Variants in SSBP3 observed in about 807,000 individuals in gnomAD.
SSBP3 encodes single-stranded DNA-binding protein 3.
SSBP3 carries 5 observed loss-of-function variants against 69.6 expected under a neutral mutation model. The ratio of observed to expected loss-of-function variants is 0.07; its 90% CI spans 0.04 to 0.15. SSBP3 has a LOEUF of 0.15. Ranked by LOEUF, SSBP3 falls within the 10% of genes least tolerant of loss-of-function variation. SSBP3 has a pLI of 1.00. For missense variants in SSBP3, 312 were observed against 534.0 expected (o/e 0.58, Z 4.10); for synonymous variants, 196 against 193.4 (o/e 1.01, Z -0.11).
intron 5 of SSBP3, among the ~76,000 whole-genome samples, chr1:54,277,421 C>G (rs939603392): frequency 6.6e-6 from 1 of 152,176 alleles, no homozygotes; most frequent in African/African-American, 2.4e-5. Flanking sequence ...CCTGCTTCCG[C>G]CATCCAATCA....
intron 4 of SSBP3, among the ~76,000 whole-genome samples, chr1:54,397,362 A>G (rs1037110735): frequency 3.9e-5 from 6 of 152,314 alleles, no homozygotes; most frequent in South Asian, 2.1e-4. Context: ...GCCCTCTCAA[A>G]TATCACTTTG....
intron 4 of SSBP3, among the ~76,000 whole-genome samples, chr1:54,317,696 T>G (rs1422277044): frequency 1.3e-5 from 2 of 152,200 alleles, no homozygotes; most frequent in Admixed American, 1.3e-4. Context: ...CAAAGTTGTC[T>G]ACAAGAGATG....
intron 4 of SSBP3, among the ~76,000 whole-genome samples, chr1:54,374,499 C>A (rs955016577): frequency 2.0e-5 from 3 of 152,228 alleles, no homozygotes; most frequent in African/African-American, 7.2e-5. Flanking sequence ...GGAGAACTGA[C>A]ACCAAACACC....
At chr1:54,289,037 C>CA (rs994712448) in intron 4 of SSBP3, among the ~76,000 whole-genome samples, 17 of 62,086 alleles carry the variant, frequency 2.7e-4, no homozygotes, top group African/African-American at 4.6e-4. Context: ...AAAAAAAAAA[C>CA]AAAAAAACAA....
chr1:54,392,722 A>G lies in SSBP3; in HGVS notation c.276+9139T>C, dbSNP rs770008875. Reference sequence around the variant, plus strand: ...GCTCAGAGCCTTGCTCACAGACCCCAGAATGCATTCAAGACCTGCAATAGG... The same window carrying G: ...GCTCAGAGCCTTGCTCACAGACCCCGGAATGCATTCAAGACCTGCAATAGG... On this transcript the variant is annotated intron_variant, in intron 4 of 17. Transcript: ENST00000610401. Among the ~76,000 whole-genome samples, 11 of 152,234 alleles carry G rather than the reference A, an allele frequency of 7.2e-5. 1 individual carries two copies. Among genetic ancestry groups the G allele is most frequent in the Non-Finnish European group, 1.5e-4 (10 of 68,050 alleles).
chr1:54,293,817 T>C (rs985854070), intron 4 of SSBP3, among the ~76,000 whole-genome samples: 2 of 152,212 alleles, frequency 1.3e-5, no homozygotes, highest in Non-Finnish European at 2.9e-5. Flanking sequence ...GTAAATATTT[T>C]TTGGATAAAT....
intron 4 of SSBP3, among the ~76,000 whole-genome samples, chr1:54,338,714 T>C (rs772634020): frequency 3.9e-5 from 6 of 152,218 alleles, no homozygotes; most frequent in Admixed American, 6.5e-5. Context: ...ATTCTGAATA[T>C]GACGTGAACA....
chr1:54,325,602 C>T (rs1313978931), intron 4 of SSBP3, among the ~76,000 whole-genome samples: 1 of 152,210 alleles, frequency 6.6e-6, no homozygotes, highest in Non-Finnish European at 1.5e-5. Context: ...CAGATTACGA[C>T]ACCATCATTC....
chr1:54,402,035 T>A, intron 3 of SSBP3, 90 bp from the exon 4 acceptor site: 1 of 1,136,890 alleles, frequency 8.8e-7, no homozygotes, highest in Non-Finnish European at 1.3e-6. Flanking sequence ...CTAACAGTAC[T>A]AGGTCTCCCA....
chr1:54,232,797 C>T (rs908568623), intron 14 of SSBP3, among the ~76,000 whole-genome samples: 2 of 151,980 alleles, frequency 1.3e-5, no homozygotes, highest in African/African-American at 2.4e-5. Context: ...TTGGCCGGGC[C>T]GTCTCCAGCC....
At chr1:54,296,491 T>G (rs72665917) in intron 4 of SSBP3, among the ~76,000 whole-genome samples, 1 of 152,210 alleles carries the variant, frequency 6.6e-6, no homozygotes, top group African/African-American at 2.4e-5. Flanking sequence ...TTCGGTAACT[T>G]TGAATCTACA....
chr1:54,392,621 T>G (rs1211742743), intron 4 of SSBP3, among the ~76,000 whole-genome samples: 1 of 152,194 alleles, frequency 6.6e-6, no homozygotes, highest in Non-Finnish European at 1.5e-5. Context: ...CACGTGCCCC[T>G]TGTCCATCTT....
In SSBP3 at chr1:54,240,071, TGTGTGTGTGTGTGTGTGCGC is replaced by T. The variant is rs1160647133; in HGVS notation, c.856+814_856+833del. On this transcript the variant is annotated intron_variant, in intron 13 of 17. Transcript: ENST00000610401. ...GGGTGTGTGTGTGTGTGTGTGTGTG[TGTGTGTGTGTGTGTGTGCGC>T]GCGCGCGCGTGTGCGTGCGCGCGCG... 2.8e-3 allele frequency among the ~76,000 whole-genome samples: 74 copies of T among 26,250 alleles called. 1 individual carries two copies. The highest frequency in any genetic ancestry group is 0.017 in the East Asian group (12 of 718). The allele number at this position is 26,250 out of a possible 152,430, so 17.2% of individuals were successfully genotyped here.
chr1:54,370,710 G>A (rs1647117526), intron 4 of SSBP3, among the ~76,000 whole-genome samples: 1 of 152,060 alleles, frequency 6.6e-6, no homozygotes, highest in South Asian at 2.1e-4. Context: ...CCAGTGCAGG[G>A]GATTATTATA....
chr1:54,233,019 G>A (rs538645771), intron 14 of SSBP3, among the ~76,000 whole-genome samples: 45 of 152,162 alleles, frequency 3.0e-4, no homozygotes, highest in African/African-American at 1.1e-3. Context: ...GGGAAGTGAG[G>A]AGTGTCTCTG....
At chr1:54,271,601 C>T (rs1290559571) in intron 5 of SSBP3, among the ~76,000 whole-genome samples, 3 of 29,678 alleles carry the variant, frequency 1.0e-4, no homozygotes, top group South Asian at 2.7e-3. Flanking sequence ...AGCCACTCTG[C>T]GGCCTCCCTG....
Position 54,268,996 on chromosome 1 carries a change from A to G in SSBP3, c.367-10847T>C, listed in dbSNP as rs568127341. ...TACCTGCCTCACAGAGAACTGTCTA[A>G]CTATCAGGAGTCAAGTACTTAGTTC... On this transcript the variant is annotated intron_variant, in intron 5 of 17. Coordinates refer to ENST00000610401, the Ensembl canonical transcript of SSBP3. Among the ~76,000 whole-genome samples the G allele has an allele frequency of 7.9e-5, 12 of 152,248 alleles. No individual in the cohort carries two copies. In the South Asian group the frequency reaches 2.3e-3, roughly 29 times the overall value.
intron 14 of SSBP3, among the ~76,000 whole-genome samples, chr1:54,231,753 G>C (rs971046913): frequency 2.6e-5 from 4 of 152,112 alleles, no homozygotes; most frequent in African/African-American, 9.7e-5. Context: ...GGAGTGCAGT[G>C]GCGTGATCTT....
chr1:54,330,263 C>G (rs1156352307), intron 4 of SSBP3, among the ~76,000 whole-genome samples: 1 of 152,156 alleles, frequency 6.6e-6, no homozygotes, highest in Non-Finnish European at 1.5e-5. Flanking sequence ...GGAGGACCAG[C>G]CCAAAGGGCA....
Sources: allele counts gnomAD v4.1 joint callset (sites outside exome capture counted in the v4.1 genomes callset), GRCh38; gene constraint gnomAD v4.1.1; transcripts MANE v1.5; gene names NCBI Gene and HGNC (gene_info 2026-07-23, HGNC 2026-07-21).